Variants in GNB1L observed in about 807,000 individuals in gnomAD.
The protein encoded by GNB1L is guanine nucleotide-binding protein subunit beta-like protein 1.
Under a neutral mutation model 29.1 loss-of-function variants are expected in GNB1L, and 20 were observed. The ratio of observed to expected loss-of-function variants is 0.69; its 90% CI spans 0.48 to 1.00. The LOEUF is 1.00. Among genes scored for constraint, GNB1L ranks in the 50% least tolerant of loss-of-function variants. The pLI is 0.00. For missense variants in GNB1L, 421 were observed against 464.9 expected, an observed-to-expected ratio of 0.91 and a Z score of 0.87; for synonymous variants, 193 against 206.5, an observed-to-expected ratio of 0.93 and a Z score of 0.56.
At chr22:19,849,286 T>C (rs1938036732) in intron 2 of GNB1L, 2 of 982,612 alleles carry the variant, frequency 2.0e-6, no homozygotes, top group Admixed American at 1.2e-4. Flanking sequence ...TAAAACCATC[T>C]GAACCCAGAG....
chr22:19,812,493 G>A (rs767086974), intron 4 of GNB1L, 46 bp from the exon 5 acceptor site: 1 of 1,557,836 alleles, frequency 6.4e-7, no homozygotes, highest in East Asian at 2.3e-5. Context: ...CTTGACAAGT[G>A]TCAGCTCCCA....
At chr22:19,800,184 G>C (rs1937353225) in intron 7 of GNB1L, among the ~76,000 whole-genome samples, 1 of 152,166 alleles carries the variant, frequency 6.6e-6, no homozygotes, top group South Asian at 2.1e-4. Context: ...TTCATCTCTG[G>C]ACTGGAACAT....
At chr22:19,824,537 TCTAA>T (rs1314183386) in intron 2 of GNB1L, among the ~76,000 whole-genome samples, 2 of 152,220 alleles carry the variant, frequency 1.3e-5, no homozygotes, top group Non-Finnish European at 2.9e-5. Context: ...TTTGTGCAAC[TCTAA>T]CAGCCCTTCC....
rs1937579086 is a variant in GNB1L, at chr22:19,821,502, GGA to G, written c.-20-129_-20-128del. On this transcript the variant is annotated intron_variant, in intron 2 of 7. Coordinates refer to ENST00000329517, the MANE Select transcript of GNB1L (RefSeq NM_053004.3). ...TGTCTCTGGCCCTGTGCCCCTCCTGGGAGAGAGGTGCCACTGCTCCCCAGACA... is the reference window on the plus strand; with the variant it reads ...TGTCTCTGGCCCTGTGCCCCTCCTGGGAGAGGTGCCACTGCTCCCCAGACA... The G allele has an allele frequency of 1.1e-5, 10 of 907,036 alleles. No individual in the cohort carries two copies. The South Asian group carries it at 1.6e-4, about 15-fold the overall frequency. The allele number at this position is 907,036 out of a possible 1,614,324, so 56.2% of individuals were successfully genotyped here.
chr22:19,847,417 T>C (rs568457392), intron 2 of GNB1L: 9 of 984,836 alleles, frequency 9.1e-6, no homozygotes, highest in African/African-American at 7.0e-5. Context: ...GTGACACCCA[T>C]GAGGTGGGTG....
intron 4 of GNB1L, 109 bp from the exon 5 acceptor site, chr22:19,812,556 G>A (rs1245963614): frequency 1.6e-5 from 17 of 1,068,700 alleles, no homozygotes; most frequent in East Asian, 2.6e-5. Flanking sequence ...AGTGGGTGCC[G>A]TGAGCTTGGA....
At chr22:19,846,822 T>C (rs979488366) in intron 2 of GNB1L, 3 of 759,100 alleles carry the variant, frequency 4.0e-6, no homozygotes, top group Non-Finnish European at 4.8e-6. Flanking sequence ...GCCCACACCT[T>C]GATCTCAGGC....
intron 2 of GNB1L, chr22:19,851,331 CAGG>C (rs753013549): frequency 3.1e-6 from 5 of 1,614,012 alleles, no homozygotes; most frequent in Admixed American, 3.3e-5. Context: ...GGTCTCTGGG[CAGG>C]AGGATTAGCT....
intron 4 of GNB1L, among the ~76,000 whole-genome samples, chr22:19,819,644 C>A (rs1937562280): frequency 6.6e-6 from 1 of 152,212 alleles, no homozygotes; most frequent in Non-Finnish European, 1.5e-5. Flanking sequence ...GTGCTAAGCA[C>A]AGGCTAGAAC....
At chr22:19,836,118 G>A (rs1015854473) in intron 2 of GNB1L, among the ~76,000 whole-genome samples, 2 of 151,948 alleles carry the variant, frequency 1.3e-5, no homozygotes, top group Non-Finnish European at 2.9e-5. Flanking sequence ...GCAAGAGGTC[G>A]GTTCTTTAAA....
chr22:19,806,577 G>A (rs1044342001), intron 6 of GNB1L, 82 bp downstream of exon 6: 7 of 872,296 alleles, frequency 8.0e-6, no homozygotes, highest in East Asian at 5.3e-5. Flanking sequence ...GTGGCTCGAC[G>A]ATAAATCAGA....
At chr22:19,839,311 G>A (rs530505250) in intron 2 of GNB1L, among the ~76,000 whole-genome samples, 7 of 152,268 alleles carry the variant, frequency 4.6e-5, no homozygotes, top group Admixed American at 2.0e-4. Flanking sequence ...TAGGGGGGAT[G>A]ATGAATGATG....
intron 4 of GNB1L, among the ~76,000 whole-genome samples, chr22:19,820,037 G>A (rs1937565685): frequency 6.6e-6 from 1 of 152,094 alleles, no homozygotes; most frequent in African/African-American, 2.4e-5. Flanking sequence ...CTAGTGAAGG[G>A]ACACACACGG....
intron 5 of GNB1L, among the ~76,000 whole-genome samples, chr22:19,808,110 A>C (rs1405124259): frequency 3.9e-5 from 6 of 152,198 alleles, no homozygotes; most frequent in Admixed American, 2.0e-4. Flanking sequence ...TTAGCCTCTG[A>C]CAGCAGGGCT....
chr22:19,821,451 G>A, intron 2 of GNB1L, 76 bp from the exon 3 acceptor site: 1 of 1,423,810 alleles, frequency 7.0e-7, no homozygotes, highest in Non-Finnish European at 9.6e-7. Context: ...AGGCACAGGG[G>A]TGCTTGAGAT....
chr22:19,805,368 GC>G lies in GNB1L; in HGVS notation c.516+1290del, dbSNP rs370907074. On this transcript the variant is annotated intron_variant, in intron 6 of 7. Transcript: ENST00000329517. ...GGTGGGCCTTGCAGGGCATGCAGAT[GC>G]CCACAAACTGCACAGGCCCATCCGG... Among the ~76,000 whole-genome samples, 31 of 152,346 alleles carry G rather than the reference GC, an allele frequency of 2.0e-4. 1 individual carries two copies. Among genetic ancestry groups the G allele is most frequent in the African/African-American group, 6.7e-4 (28 of 41,588 alleles).
intron 4 of GNB1L, among the ~76,000 whole-genome samples, chr22:19,817,693 G>A (rs1937540888): frequency 6.6e-6 from 1 of 152,114 alleles, no homozygotes; most frequent in African/African-American, 2.4e-5. Flanking sequence ...TGAGGCGTGA[G>A]GGGCTACCTC....
chr22:19,791,241 C>G (rs1397092269), intron 7 of GNB1L, among the ~76,000 whole-genome samples: 2 of 152,134 alleles, frequency 1.3e-5, no homozygotes, highest in Non-Finnish European at 2.9e-5. Context: ...CTCCCCACCC[C>G]CCAAAATAAC....
chr22:19,822,280 G>A (rs969132263), intron 2 of GNB1L, among the ~76,000 whole-genome samples: 3 of 152,042 alleles, frequency 2.0e-5, no homozygotes, highest in Non-Finnish European at 2.9e-5. Context: ...GGGCAGAGTC[G>A]CCGTGCGGCT....
Sources: gnomAD v4.1 joint callset for allele counts (sites outside exome capture counted in the v4.1 genomes callset) on GRCh38, gnomAD v4.1.1 for gene constraint, MANE v1.5 for transcripts, NCBI Gene and HGNC (gene_info 2026-07-23, HGNC 2026-07-21) for gene names.